Variants in NELL1 observed in about 807,000 individuals in gnomAD.
NELL1 encodes the protein protein kinase C-binding protein NELL1.
Under a neutral mutation model 107.4 loss-of-function variants are expected in NELL1, and 76 were observed. That is an observed-to-expected ratio of 0.71 (90% CI 0.59 to 0.86). The LOEUF is 0.86. Ranked by LOEUF, NELL1 falls within the 40% of genes least tolerant of loss-of-function variation. The pLI, the probability that NELL1 is intolerant of heterozygous loss-of-function variation, is 0.00. For synonymous variants in NELL1, 353 were observed against 341.2 expected (o/e 1.03, Z -0.38); for missense variants, 1,024 against 1,005.5 (o/e 1.02, Z -0.25).
intron 3 of NELL1, among the ~76,000 whole-genome samples, chr11:20,794,350 G>A (rs1199630641): frequency 2.0e-5 from 3 of 152,176 alleles, no homozygotes; most frequent in Non-Finnish European, 4.4e-5. Flanking sequence ...GTTTCTCCAG[G>A]TAATAATCTC....
chr11:21,020,560 A>G (rs1167542136), intron 12 of NELL1, among the ~76,000 whole-genome samples: 1 of 151,994 alleles, frequency 6.6e-6, no homozygotes, highest in African/African-American at 2.4e-5. Context: ...AGATCAGGAA[A>G]AGTTGAAAGT....
intron 3 of NELL1, among the ~76,000 whole-genome samples, chr11:20,810,784 A>C (rs927421290): frequency 1.3e-5 from 2 of 151,986 alleles, no homozygotes; most frequent in Non-Finnish European, 2.9e-5. Context: ...TTCTTTAAGG[A>C]ATCTCCACAC....
intron 15 of NELL1, among the ~76,000 whole-genome samples, chr11:21,389,315 T>C (rs1170639057): frequency 6.6e-6 from 1 of 151,852 alleles, no homozygotes. Flanking sequence ...TTCTAAGTTA[T>C]TAAATATCTG....
At chr11:21,257,767 G>A (rs1396818409) in intron 14 of NELL1, among the ~76,000 whole-genome samples, 1 of 151,940 alleles carries the variant, frequency 6.6e-6, no homozygotes, top group Non-Finnish European at 1.5e-5. Context: ...AGGAGTTGTG[G>A]CTAAAGTGGC....
At chr11:20,984,052 T>C (rs1473200618) in intron 12 of NELL1, among the ~76,000 whole-genome samples, 2 of 152,166 alleles carry the variant, frequency 1.3e-5, no homozygotes, top group Non-Finnish European at 2.9e-5. Flanking sequence ...TTTTTTCAGA[T>C]CTCAGGTTAG....
At chr11:21,106,345 C>T (rs1038403148) in intron 12 of NELL1, among the ~76,000 whole-genome samples, 7 of 152,026 alleles carry the variant, frequency 4.6e-5, no homozygotes, top group African/African-American at 7.2e-5. Context: ...TAATATGCAC[C>T]TCATAGAGTG....
chr11:20,705,096 T>C (rs1255839253), intron 2 of NELL1, among the ~76,000 whole-genome samples: 1 of 152,154 alleles, frequency 6.6e-6, no homozygotes, highest in African/African-American at 2.4e-5. Context: ...CCCAAGGTGA[T>C]TTACAGATTG....
intron 12 of NELL1, among the ~76,000 whole-genome samples, chr11:21,040,074 A>G (rs1853192062): frequency 6.6e-6 from 1 of 152,164 alleles, no homozygotes; most frequent in South Asian, 2.1e-4. Context: ...GCCTAAAATT[A>G]TCACTAATAT....
chr11:21,396,182 T>C (rs1851976610), intron 15 of NELL1, among the ~76,000 whole-genome samples: 1 of 151,228 alleles, frequency 6.6e-6, no homozygotes, highest in Non-Finnish European at 1.5e-5. Flanking sequence ...TTGTTACCTT[T>C]CTCCTAAAGT....
rs150346005 is a variant in NELL1 at position 21,196,539 on chromosome 11, C to A, written c.1427-32793C>A. Reference sequence around the variant, plus strand: ...AGGATAATCGTATGGTTTATTTCTGCATTTCATCTAAGTCTTCATTTATGT... The same window carrying A: ...AGGATAATCGTATGGTTTATTTCTGAATTTCATCTAAGTCTTCATTTATGT... On this transcript the variant is annotated intron_variant, in intron 13 of 19. Coordinates refer to ENST00000357134, the MANE Select transcript of NELL1 (RefSeq NM_006157.5). Among the ~76,000 whole-genome samples, 429 of 152,224 alleles carry A rather than the reference C, an allele frequency of 2.8e-3. 4 individuals carry two copies. Among genetic ancestry groups the A allele is most frequent in the African/African-American group, 9.8e-3 (408 of 41,552 alleles).
intron 13 of NELL1, among the ~76,000 whole-genome samples, chr11:21,184,357 C>T (rs1214093015): frequency 1.3e-5 from 2 of 151,752 alleles, no homozygotes; most frequent in East Asian, 3.9e-4. Flanking sequence ...CAACCTCCGC[C>T]TCCTGGGTTC....
chr11:21,269,947 G>A (rs143716451), intron 14 of NELL1, among the ~76,000 whole-genome samples: 115 of 152,054 alleles, frequency 7.6e-4, no homozygotes, highest in African/African-American at 2.7e-3. Context: ...TAAGGTTCTT[G>A]TACTCTCTAT....
chr11:20,807,224 T>G (rs1024953827), intron 3 of NELL1, among the ~76,000 whole-genome samples: 1 of 152,200 alleles, frequency 6.6e-6, no homozygotes, highest in Non-Finnish European at 1.5e-5. Context: ...TTGGGTGTTG[T>G]GATCTATGTT....
intron 2 of NELL1, among the ~76,000 whole-genome samples, chr11:20,719,497 C>A (rs555442419): frequency 1.3e-5 from 2 of 152,162 alleles, no homozygotes; most frequent in African/African-American, 4.8e-5. Flanking sequence ...ATAGTTACTT[C>A]TAGAAAAAAT....
intron 4 of NELL1, among the ~76,000 whole-genome samples, chr11:20,882,108 C>T (rs1373596666): frequency 2.6e-5 from 4 of 152,216 alleles, no homozygotes; most frequent in Admixed American, 1.3e-4. Context: ...CAAACTGTCC[C>T]TCAGGGACCA....
At chr11:20,815,376 G>T (rs1182257324) in intron 3 of NELL1, among the ~76,000 whole-genome samples, 1 of 152,076 alleles carries the variant, frequency 6.6e-6, no homozygotes, top group Admixed American at 6.5e-5. Context: ...ATAAGCCACC[G>T]TGCCTGCCTG....
At chr11:21,262,902 C>T (rs1422270215) in intron 14 of NELL1, among the ~76,000 whole-genome samples, 2 of 151,722 alleles carry the variant, frequency 1.3e-5, no homozygotes, top group Non-Finnish European at 2.9e-5. Flanking sequence ...TATTTTGATG[C>T]TGGACTTTCT....
chr11:20,679,840 A>G (rs1280801790), intron 2 of NELL1, among the ~76,000 whole-genome samples: 1 of 152,228 alleles, frequency 6.6e-6, no homozygotes, highest in Non-Finnish European at 1.5e-5. Context: ...ATCAATAAAC[A>G]TTTTGAATGG....
intron 15 of NELL1, among the ~76,000 whole-genome samples, chr11:21,438,267 G>T (rs4483589): frequency 0.37 from 54,293 of 146,570 alleles, 10,008 homozygotes; most frequent in South Asian, 0.43. Flanking sequence ...CAGTTTTTTT[G>T]TTTGTTTGTT....
Sources: gnomAD v4.1 joint callset for allele counts (sites outside exome capture counted in the v4.1 genomes callset) on GRCh38, gnomAD v4.1.1 for gene constraint, MANE v1.5 for transcripts, NCBI Gene and HGNC (gene_info 2026-07-23, HGNC 2026-07-21) for gene names.